Variants in FNDC3A observed in about 807,000 individuals in gnomAD.
The protein encoded by FNDC3A is fibronectin type III domain containing 3A.
In FNDC3A, 32 loss-of-function variants were observed where a neutral mutation model predicts 148.9. That is an observed-to-expected ratio of 0.21 (90% CI 0.16 to 0.29). FNDC3A has a LOEUF of 0.29. Among genes scored for constraint, FNDC3A ranks in the 10% least tolerant of loss-of-function variants. The pLI, the probability that FNDC3A is intolerant of heterozygous loss-of-function variation, is 1.00. For missense variants in FNDC3A, 1,191 were observed against 1,452.8 expected (o/e 0.82, Z 2.93); for synonymous variants, 472 against 473.6 (o/e 1.00, Z 0.04).
intron 3 of FNDC3A, among the ~76,000 whole-genome samples, chr13:49,093,909 A>G (rs530930984): frequency 6.6e-6 from 1 of 152,242 alleles, no homozygotes; most frequent in South Asian, 2.1e-4. Context: ...TTTTGGTTTT[A>G]ATTGCAAGAT....
chr13:49,019,308 G>T (rs192458152), intron 2 of FNDC3A, among the ~76,000 whole-genome samples: 1 of 152,248 alleles, frequency 6.6e-6, no homozygotes, highest in East Asian at 1.9e-4. Flanking sequence ...CTTCTGGTGC[G>T]CCGTTTTTTA....
intron 4 of FNDC3A, among the ~76,000 whole-genome samples, chr13:49,125,502 A>G (rs539902646): frequency 9.4e-4 from 143 of 152,314 alleles, no homozygotes; most frequent in African/African-American, 3.3e-3. Context: ...CTGGGTTCAG[A>G]GTGAGACCAC....
chr13:49,028,884 C>A (rs1370239663), intron 2 of FNDC3A, among the ~76,000 whole-genome samples: 1 of 152,194 alleles, frequency 6.6e-6, no homozygotes, highest in Non-Finnish European at 1.5e-5. Flanking sequence ...TTCCACCCAA[C>A]AACAGCAGCA....
At chr13:49,160,694 T>C (rs1184060593) in intron 8 of FNDC3A, among the ~76,000 whole-genome samples, 1 of 152,090 alleles carries the variant, frequency 6.6e-6, no homozygotes, top group African/African-American at 2.4e-5. Context: ...CTTCTCTAGT[T>C]CTTTTAATTG....
intron 2 of FNDC3A, among the ~76,000 whole-genome samples, chr13:49,023,275 A>G (rs1937179): frequency 1 from 151,259 of 151,926 alleles, 75,303 homozygotes; most frequent in Middle Eastern, 1. Flanking sequence ...TCATCTGTTC[A>G]TTTTTTAAAC....
intron 3 of FNDC3A, among the ~76,000 whole-genome samples, chr13:49,075,859 G>A (rs1878073363): frequency 8.2e-6 from 1 of 122,586 alleles, no homozygotes; most frequent in African/African-American, 3.2e-5. Context: ...TCAAGACTGA[G>A]CTCCAGTCCT....
rs888770629 is a variant in FNDC3A at position 49,044,270 on chromosome 13, T to C, written c.100-31019T>C. 1.1e-4 allele frequency: 21 copies of C among 192,822 alleles called. No individual in the cohort carries two copies. The East Asian group carries it at 2.6e-3, about 24-fold the overall frequency. The allele number at this position is 192,822 out of a possible 1,614,324, so 11.9% of individuals were successfully genotyped here. ...AAGCTGTCCTCCATTAAGCTGTGCC[T>C]CCTCTCTGCTGTCAGAGTCTATTAT... On this transcript the variant is annotated intron_variant, in intron 2 of 25. Coordinates refer to ENST00000492622, the MANE Select transcript of FNDC3A (RefSeq NM_001079673.2).
chr13:49,000,904 T>G (rs1952112079), intron 1 of FNDC3A, among the ~76,000 whole-genome samples: 1 of 152,152 alleles, frequency 6.6e-6, no homozygotes, highest in Non-Finnish European at 1.5e-5. Context: ...TTTTATGTAT[T>G]GATTTTGTAT....
intron 2 of FNDC3A, chr13:49,044,269 C>T (rs1394777543): frequency 1.0e-5 from 2 of 192,652 alleles, no homozygotes; most frequent in African/African-American, 2.3e-5. Context: ...TAAGCTGTGC[C>T]TCCTCTCTGC....
intron 2 of FNDC3A, among the ~76,000 whole-genome samples, chr13:49,074,182 C>G (rs774800997): frequency 2.8e-4 from 43 of 152,078 alleles, no homozygotes; most frequent in Admixed American, 1.2e-3. Context: ...GTGCACCCAT[C>G]ATCTGAGCAA....
At chr13:49,148,240 T>C (rs1172499377) in intron 8 of FNDC3A, among the ~76,000 whole-genome samples, 1 of 152,166 alleles carries the variant, frequency 6.6e-6, no homozygotes, top group Admixed American at 6.5e-5. Flanking sequence ...TTTTCTTTTT[T>C]TTGTTGTTGC....
At chr13:49,058,160 G>C (rs900775441) in intron 2 of FNDC3A, among the ~76,000 whole-genome samples, 2 of 152,038 alleles carry the variant, frequency 1.3e-5, no homozygotes, top group Admixed American at 6.6e-5. Flanking sequence ...TCCAACAACC[G>C]AGCTCCCCGA....
chr13:49,162,089 G>T (rs1884166997), intron 8 of FNDC3A, among the ~76,000 whole-genome samples: 1 of 151,930 alleles, frequency 6.6e-6, no homozygotes, highest in African/African-American at 2.4e-5. Context: ...TGTGTCTTGG[G>T]GTTGCTCTTC....
At chr13:49,113,376 A>G (rs751427064) in intron 3 of FNDC3A, among the ~76,000 whole-genome samples, 16 of 148,032 alleles carry the variant, frequency 1.1e-4, no homozygotes, top group Non-Finnish European at 1.8e-4. Flanking sequence ...TCTCTTCCCT[A>G]GCTCTCTCAT....
intron 2 of FNDC3A, among the ~76,000 whole-genome samples, chr13:49,019,441 A>G (rs865859897): frequency 1.3e-5 from 2 of 152,168 alleles, no homozygotes; most frequent in African/African-American, 2.4e-5. Flanking sequence ...GAGTGAGGCA[A>G]TGCCTCGCCC....
At chr13:48,985,644 A>G (rs1951775624) in intron 1 of FNDC3A, among the ~76,000 whole-genome samples, 1 of 152,182 alleles carries the variant, frequency 6.6e-6, no homozygotes, top group Non-Finnish European at 1.5e-5. Context: ...CAAAGACACA[A>G]TTCATACACA....
At position 49,172,221 on chromosome 13, in the gene FNDC3A, G is replaced by A. The variant is rs897675716; in HGVS notation, c.1230+125G>A. On this transcript the variant is annotated intron_variant, in intron 11 of 25. Coordinates refer to ENST00000492622, the MANE Select transcript of FNDC3A (RefSeq NM_001079673.2). ...TCAAAAAAAGTATGAATGATTTTGT[G>A]TGGTGCATGAGTGGATTGATGGTGT... is the stretch of plus-strand genomic sequence containing the variant. 16 of 599,738 alleles carry A rather than the reference G, an allele frequency of 2.7e-5. No homozygotes were observed. In the Admixed American group the frequency reaches 5.2e-4, roughly 20 times the overall value. The allele number at this position is 599,738 out of a possible 1,614,324, so 37.2% of individuals were successfully genotyped here.
intron 4 of FNDC3A, among the ~76,000 whole-genome samples, chr13:49,115,047 T>C (rs1329078430): frequency 6.6e-6 from 1 of 152,222 alleles, no homozygotes; most frequent in Non-Finnish European, 1.5e-5. Context: ...ACTGACATTT[T>C]TAAATTTAGA....
chr13:48,990,768 A>G (rs1021062582), intron 1 of FNDC3A, among the ~76,000 whole-genome samples: 4 of 152,144 alleles, frequency 2.6e-5, no homozygotes, highest in Non-Finnish European at 5.9e-5. Context: ...CCCCTAAAAA[A>G]TGACAACATG....
Sources: allele counts gnomAD v4.1 joint callset (sites outside exome capture counted in the v4.1 genomes callset), GRCh38; gene constraint gnomAD v4.1.1; transcripts MANE v1.5; gene names NCBI Gene and HGNC (gene_info 2026-07-23, HGNC 2026-07-21).